PCSK6: variants seen among roughly 807,000 people sequenced by gnomAD.
PCSK6 encodes the protein proprotein convertase subtilisin/kexin type 6.
A neutral mutation model predicts 123.3 loss-of-function variants in PCSK6; 85 were observed. The observed-to-expected ratio is 0.69, with a 90% CI of 0.58 to 0.83. PCSK6 has a LOEUF of 0.83. Among genes scored for constraint, PCSK6 ranks in the 40% least tolerant of loss-of-function variants. The pLI is 0.00. For missense variants in PCSK6, 1,191 were observed against 1,282.3 expected, an observed-to-expected ratio of 0.93 and a Z score of 1.09; for synonymous variants, 508 against 516.0, an observed-to-expected ratio of 0.98 and a Z score of 0.21.
At chr15:101,365,093 G>C (rs80324997) in intron 13 of PCSK6, 17,139 of 718,186 alleles carry the variant, frequency 0.024, 804 homozygotes, top group East Asian at 0.16. Flanking sequence ...GGAACAAATG[G>C]GTACAAAAGA....
At chr15:101,404,923 C>T (rs1041956030) in intron 6 of PCSK6, among the ~76,000 whole-genome samples, 4 of 152,146 alleles carry the variant, frequency 2.6e-5, no homozygotes, top group East Asian at 1.9e-4. Flanking sequence ...ACAAGAAGAA[C>T]GGGATGCCAG....
intron 6 of PCSK6, among the ~76,000 whole-genome samples, chr15:101,400,875 C>T (rs1366742910): frequency 1.3e-5 from 2 of 152,220 alleles, no homozygotes; most frequent in East Asian, 3.8e-4. Flanking sequence ...CCATTCCATC[C>T]ATTCATTCTA....
intron 1 of PCSK6, among the ~76,000 whole-genome samples, chr15:101,460,393 G>T (rs947807798): frequency 1.3e-5 from 2 of 152,068 alleles, no homozygotes; most frequent in African/African-American, 2.4e-5. Flanking sequence ...CCTCCATCAA[G>T]CCAAATCTTC....
intron 13 of PCSK6, chr15:101,346,841 T>C (rs1350008136): frequency 2.4e-6 from 3 of 1,231,706 alleles, no homozygotes; most frequent in Non-Finnish European, 3.0e-6. Context: ...GACTAAACAA[T>C]ACTGTGATTC....
Position 101,305,365 on chromosome 15 carries a change from C to T in PCSK6, c.2813-10G>A, listed in dbSNP as rs777368309. The T allele has an allele frequency of 1.2e-5, 19 of 1,609,378 alleles. No individual in the cohort carries two copies. The highest frequency in any genetic ancestry group is 1.5e-5 in the Non-Finnish European group (18 of 1,178,900). Reference sequence around the variant, plus strand: ...CAGAATGTCTCGTCAGCTGGGGCCCCGCATCAGGAAAGGCAAAAGAGGGAA... The same window carrying T: ...CAGAATGTCTCGTCAGCTGGGGCCCTGCATCAGGAAAGGCAAAAGAGGGAA... On this transcript the variant is annotated splice_polypyrimidine_tract_variant and intron_variant, in intron 21 of 21. Coordinates refer to ENST00000611716, the MANE Select transcript of PCSK6 (RefSeq NM_002570.5). The surrounding 1 kb of genome is among the most constrained non-coding windows in gnomAD (Gnocchi z 4.8).
intron 16 of PCSK6, among the ~76,000 whole-genome samples, chr15:101,325,524 G>A (rs1167907096): frequency 6.6e-6 from 1 of 152,212 alleles, no homozygotes; most frequent in African/African-American, 2.4e-5. Flanking sequence ...CCGTGCCTGA[G>A]CCCTCATGGG....
chr15:101,410,613 G>A (rs756026011), intron 6 of PCSK6, among the ~76,000 whole-genome samples: 11 of 152,196 alleles, frequency 7.2e-5, no homozygotes, highest in Non-Finnish European at 1.3e-4. Context: ...ATTCAGTCAA[G>A]AAGTATACAG....
intron 15 of PCSK6, among the ~76,000 whole-genome samples, chr15:101,329,220 C>T (rs1222230257): frequency 6.6e-6 from 1 of 152,136 alleles, no homozygotes; most frequent in Non-Finnish European, 1.5e-5. Flanking sequence ...GGAGGAAATC[C>T]AGGATTTAAA....
intron 13 of PCSK6, among the ~76,000 whole-genome samples, chr15:101,351,377 C>T (rs977071778): frequency 6.6e-6 from 1 of 152,166 alleles, no homozygotes; most frequent in Non-Finnish European, 1.5e-5. Flanking sequence ...AAATTATTTT[C>T]CAATTTAGCA....
chr15:101,422,856 C>T (rs917827261), intron 6 of PCSK6, among the ~76,000 whole-genome samples: 4 of 152,140 alleles, frequency 2.6e-5, no homozygotes, highest in African/African-American at 7.2e-5. Flanking sequence ...CTCCTGATCT[C>T]GGGATCCACC....
At chr15:101,454,857 A>G (rs1205095802) in intron 1 of PCSK6, among the ~76,000 whole-genome samples, 1 of 152,184 alleles carries the variant, frequency 6.6e-6, no homozygotes, top group African/African-American at 2.4e-5. Context: ...AGGCAGGAGA[A>G]TCGCTTGAAC....
intron 13 of PCSK6, chr15:101,347,063 T>G: frequency 4.9e-6 from 6 of 1,231,746 alleles, no homozygotes; most frequent in Non-Finnish European, 5.1e-6. Flanking sequence ...GGTGACTGTT[T>G]GGAGAGTGTG....
intron 11 of PCSK6, 101 bp downstream of exon 11, chr15:101,381,991 C>A: frequency 1.4e-6 from 1 of 736,800 alleles, no homozygotes; most frequent in Non-Finnish European, 2.3e-6. Context: ...CACATGTGCA[C>A]AGAATGCATG....
intron 6 of PCSK6, among the ~76,000 whole-genome samples, chr15:101,418,443 C>T (rs1445618846): frequency 6.6e-6 from 1 of 151,566 alleles, no homozygotes; most frequent in Non-Finnish European, 1.5e-5. Context: ...CAGTTGAATG[C>T]AGATGTATCA....
chr15:101,473,765 C>T (rs914542149), intron 1 of PCSK6, among the ~76,000 whole-genome samples: 1 of 152,154 alleles, frequency 6.6e-6, no homozygotes, highest in East Asian at 1.9e-4. Flanking sequence ...GTAATCCTAG[C>T]TAATAGAGAG....
At chr15:101,430,193 A>G in intron 4 of PCSK6, 130 bp from the exon 5 acceptor site, 1 of 688,250 alleles carries the variant, frequency 1.5e-6, no homozygotes, top group Non-Finnish European at 2.6e-6. Flanking sequence ...CTATAATCTC[A>G]TATACGTTTT....
chr15:101,483,699 C>T (rs1252981928), intron 1 of PCSK6, among the ~76,000 whole-genome samples: 2 of 152,230 alleles, frequency 1.3e-5, no homozygotes, highest in East Asian at 1.9e-4. Context: ...TGACAATGCA[C>T]ACAGGTTAGA....
intron 13 of PCSK6, among the ~76,000 whole-genome samples, chr15:101,365,567 C>T (rs140925818): frequency 7.9e-5 from 12 of 152,132 alleles, no homozygotes; most frequent in East Asian, 1.9e-4. Flanking sequence ...TATACGCCCA[C>T]GAGAAACAAA....
chr15:101,363,639 T>TC (rs1256189017), intron 13 of PCSK6, among the ~76,000 whole-genome samples: 1 of 152,170 alleles, frequency 6.6e-6, no homozygotes, highest in African/African-American at 2.4e-5. Flanking sequence ...TAACACTTTT[T>TC]TTTTTTTTGA....
Sources: gnomAD v4.1 joint callset for allele counts (sites outside exome capture counted in the v4.1 genomes callset) on GRCh38, gnomAD v4.1.1 for gene constraint, Gnocchi (gnomAD v3.1) non-coding constraint, MANE v1.5 for transcripts, NCBI Gene and HGNC (gene_info 2026-07-23, HGNC 2026-07-21) for gene names.